The following ERBB2 variants were observed in gnomAD, a reference collection of about 807,000 sequenced individuals.
The protein encoded by ERBB2 is receptor tyrosine-protein kinase erbB-2.
Under a neutral mutation model 149.0 loss-of-function variants are expected in ERBB2, and 61 were observed. That is an observed-to-expected ratio of 0.41 (90% CI 0.33 to 0.51). The LOEUF (loss-of-function observed/expected upper bound fraction) is 0.51. ERBB2 is among the 20% of genes least tolerant of loss of function. ERBB2 has a pLI of 0.25. For synonymous variants in ERBB2, 633 were observed against 678.8 expected, an observed-to-expected ratio of 0.93 and a Z score of 1.05; for missense variants, 1,205 against 1,655.1, an observed-to-expected ratio of 0.73 and a Z score of 4.72.
chr17:39,708,596 A>G, intron 3 of ERBB2, 62 bp downstream of exon 3: 1 of 1,331,064 alleles, frequency 7.5e-7, no homozygotes, highest in South Asian at 1.2e-5. Flanking sequence ...GGCCACTGCT[A>G]ACCAGGGGGA....
chr17:39,720,580 G>A lies in ERBB2; in HGVS notation c.1946+746G>A, dbSNP rs972218725. 4.6e-5 allele frequency among the ~76,000 whole-genome samples: 7 copies of A among 152,306 alleles called. No individual in the cohort carries two copies. In the East Asian group the frequency reaches 1.3e-3, roughly 29 times the overall value. On this transcript the variant is annotated intron_variant, in intron 16 of 26. Transcript: ENST00000269571. The stretch of plus-strand genomic sequence containing the variant: ...ACCAGACCCTGTGCTAAGCAAGGGG[G>A]TATGGAGAGGAGAGGGTGACAAGAA...
intron 16 of ERBB2, among the ~76,000 whole-genome samples, chr17:39,722,988 G>A (rs1166621155): frequency 6.6e-6 from 1 of 152,144 alleles, no homozygotes; most frequent in African/African-American, 2.4e-5. Flanking sequence ...CTCTCAAAGT[G>A]CTAGGATTCC....
At chr17:39,717,507 AAGG>A (rs2059203501) in intron 15 of ERBB2, 27 bp downstream of exon 15, 1 of 1,573,556 alleles carries the variant, frequency 6.4e-7, no homozygotes, top group Non-Finnish European at 8.7e-7. Context: ...TTTCTGCAGA[AAGG>A]AGGACTTTCC....
chr17:39,717,309 GCC>G lies in ERBB2; in HGVS notation c.1738-4_1738-3del. ...TGCCAGCCCCCCACAAATCTTTTCT[GCC>G]CCCCCCAGGAGGCTGACCAGTGTGT... On this transcript the variant is annotated splice_polypyrimidine_tract_variant and intron_variant, in intron 14 of 26. Coordinates refer to ENST00000269571, the MANE Select transcript of ERBB2 (RefSeq NM_004448.4). 1 of 1,582,726 alleles carries G rather than the reference GCC, an allele frequency of 6.3e-7. No individual in the cohort carries two copies.
At position 39,719,479 on chromosome 17, in the gene ERBB2, G is replaced by T. The variant is rs547104924; in HGVS notation, c.1899-308G>T. On this transcript the variant is annotated intron_variant, in intron 15 of 26. Transcript: ENST00000269571. Reference sequence around the variant, plus strand: ...ACCGTTCTCTGGAGAAGTGGTATGGGTTTACCCTGGGATTCTTCTATGGAG... The same window carrying T: ...ACCGTTCTCTGGAGAAGTGGTATGGTTTTACCCTGGGATTCTTCTATGGAG... 2.0e-5 allele frequency among the ~76,000 whole-genome samples: 3 copies of T among 152,222 alleles called. No homozygotes were observed. In the South Asian group the frequency reaches 6.2e-4, roughly 31 times the overall value.
chr17:39,722,748 G>C (rs1444033644), intron 16 of ERBB2, among the ~76,000 whole-genome samples: 1 of 151,750 alleles, frequency 6.6e-6, no homozygotes. Flanking sequence ...TTTTGAGATG[G>C]AGTCTTGCAC....
Position 39,718,691 on chromosome 17 carries a change from C to A in ERBB2, c.1899-1096C>A, listed in dbSNP as rs532094251. On this transcript the variant is annotated intron_variant, in intron 15 of 26. Transcript: ENST00000269571. ...TGCTGTTCTGCACTTTGCTTTCCCC[C>A]CGACTTGAGGTATCCTTTCTTGTGA... Among the ~76,000 whole-genome samples, 7 of 152,020 alleles carry A rather than the reference C, an allele frequency of 4.6e-5. No individual in the cohort carries two copies. In the South Asian group the frequency reaches 6.2e-4, roughly 14 times the overall value.
At position 39,710,094 on chromosome 17, in the gene ERBB2, ACTGT is replaced by A; in HGVS notation, c.657_660del (p.Cys220ProfsTer76). The stretch of plus-strand genomic sequence containing the variant: ...TGCCCTTTGCCCAACAGTGACGCGC[ACTGT>A]CTGTGCCGGTGGCTGTGCCCGCTGC... On this transcript the variant is annotated frameshift_variant, in exon 6 of 27. Transcript: ENST00000269571. LOFTEE classifies it high-confidence loss of function. 1 of 1,607,512 alleles carries A rather than the reference ACTGT, an allele frequency of 6.2e-7. No homozygotes were observed. Among genetic ancestry groups the A allele is most frequent in the Non-Finnish European group, 8.5e-7 (1 of 1,178,424 alleles).
chr17:39,694,834 A>T (rs1327287936), upstream of ERBB2: 8 of 152,380 alleles, frequency 5.3e-5, no homozygotes, highest in Non-Finnish European at 1.5e-5. Flanking sequence ...AGGAAGACTT[A>T]GTGCTCCTGA....
At chr17:39,724,114 C>A in intron 19 of ERBB2, 104 bp downstream of exon 19, 2 of 758,570 alleles carry the variant, frequency 2.6e-6, no homozygotes, top group South Asian at 1.8e-5. Flanking sequence ...ATATGACTCC[C>A]GCAAACCTAG....
rs140793049 is a variant in ERBB2, at chr17:39,720,726, T to G, written c.1946+892T>G. On this transcript the variant is annotated intron_variant, in intron 16 of 26. Coordinates refer to ENST00000269571, the MANE Select transcript of ERBB2 (RefSeq NM_004448.4). Reference sequence around the variant, plus strand: ...GTGCAGTGGCTCCATCTCGGTTCACTGCAACCTCTGCCTCCTGGGTTCAAG... The same window carrying G: ...GTGCAGTGGCTCCATCTCGGTTCACGGCAACCTCTGCCTCCTGGGTTCAAG... Among the ~76,000 whole-genome samples, 1,148 of 152,310 alleles carry G rather than the reference T, an allele frequency of 7.5e-3. 9 individuals are homozygous for G. Among genetic ancestry groups the G allele is most frequent in the African/African-American group, 0.026 (1,079 of 41,558 alleles).
intron 9 of ERBB2, 57 bp from the exon 10 acceptor site, chr17:39,715,229 T>A: frequency 1.4e-6 from 2 of 1,460,154 alleles, no homozygotes; most frequent in Non-Finnish European, 1.9e-6. Context: ...TGGCCAGTGC[T>A]GGGAGTGATG....
chr17:39,690,894 C>G (rs1567885305), upstream of ERBB2, among the ~76,000 whole-genome samples: 1 of 152,158 alleles, frequency 6.6e-6, no homozygotes, highest in African/African-American at 2.4e-5. Flanking sequence ...TGGCTCATGC[C>G]TGTAATCCCA....
Position 39,726,570 on chromosome 17 carries a change from A to C in ERBB2, c.2881A>C (p.Ile961Leu). Reference sequence around the variant, plus strand: ...CCTCCCTCCTGCCCCAGGTTGGATGATTGACTCTGAATGTCGGCCAAGATT... The same window carrying C: ...CCTCCCTCCTGCCCCAGGTTGGATGCTTGACTCTGAATGTCGGCCAAGATT... The part of the protein sequence containing the change: ...VYMIMVKCWM[I>L]DSECRPRFRE... The change falls in exon 24 of 27, where the codon ATT becomes CTT. Residue 961 changes from isoleucine (I) to leucine (L), a missense_variant. Transcript: ENST00000269571. This position sits in a 1 kb window ranked among gnomAD's most constrained non-coding sequence, Gnocchi z 5.1. The C allele has an allele frequency of 6.2e-7, 1 of 1,614,034 alleles. No individual in the cohort carries two copies. The highest frequency in any genetic ancestry group is 8.5e-7 in the Non-Finnish European group (1 of 1,179,938).
At position 39,707,144 on chromosome 17, in the gene ERBB2, G is replaced by A. The variant is rs1181476242; in HGVS notation, c.225+3G>A. ...ATGCCAGCCTGTCCTTCCTGCAGGT[G>A]AGGCCCGTGGGCAACCCAGCCAGGC... On this transcript the variant is annotated splice_donor_region_variant and intron_variant, in intron 2 of 26. Coordinates refer to ENST00000269571, the MANE Select transcript of ERBB2 (RefSeq NM_004448.4). 29 of 1,561,586 alleles carry A rather than the reference G, an allele frequency of 1.9e-5. No individual in the cohort carries two copies. The highest frequency in any genetic ancestry group is 2.4e-5 in the Non-Finnish European group (28 of 1,150,818).
Position 39,715,294 on chromosome 17 carries a change from C to T in ERBB2, c.1157C>T (p.Ala386Val), listed in dbSNP as rs141116145. The change falls in exon 10 of 27, where the codon GCC becomes GTC. Residue 386 changes from alanine (A) to valine (V), a missense_variant. Transcript: ENST00000269571. Reference protein sequence around the residue: ...FLPESFDGDPASNTAPLQPEQ... With the variant: ...FLPESFDGDPVSNTAPLQPEQ... ...TCTCCTGACCCCTCCAGGGACCCAG[C>T]CTCCAACACTGCCCCGCTCCAGCCA... is the stretch of plus-strand genomic sequence containing the variant. 1 of 1,613,992 alleles carries T rather than the reference C, an allele frequency of 6.2e-7. No homozygotes were observed. Among genetic ancestry groups the T allele is most frequent in the Non-Finnish European group, 8.5e-7 (1 of 1,179,920 alleles).
upstream of ERBB2, among the ~76,000 whole-genome samples, chr17:39,694,262 T>TATGTGTATATATATATATACACAC (rs2057798954): frequency 6.9e-5 from 2 of 28,906 alleles, 1 homozygote; most frequent in African/African-American, 2.1e-4. Context: ...TATATATATA[T>TATGTGTATATATATATATACACAC]ATATATGTGT....
At position 39,717,461 on chromosome 17, in the gene ERBB2, C is replaced by G; in HGVS notation, c.1879C>G (p.Pro627Ala). The change falls in exon 15 of 27, where the codon CCC (proline) becomes GCC (alanine). Residue 627 changes from proline to alanine, a missense_variant. This residue lies in a region of ERBB2 where 569 missense variants were observed against 803.5 expected (regional missense o/e 0.71). Transcript: ENST00000269571. ...TGAGGAGGGCGCATGCCAGCCTTGC[C>G]CCATCAACTGCACCCACTCGTGAGT... ...PDEEGACQPC[P>A]INCTHSCVDL... 4 of 1,613,102 alleles carry G rather than the reference C, an allele frequency of 2.5e-6. No individual in the cohort carries two copies. Among genetic ancestry groups the G allele is most frequent in the Non-Finnish European group, 3.4e-6 (4 of 1,179,750 alleles).
At chr17:39,707,329 T>C in intron 2 of ERBB2, 188 bp downstream of exon 2, 1 of 509,452 alleles carries the variant, frequency 2.0e-6, no homozygotes, top group Non-Finnish European at 3.4e-6. Context: ...ACTCTCTCTA[T>C]AACGTGGCTG....
Sources: gnomAD v4.1 joint callset for allele counts (sites outside exome capture counted in the v4.1 genomes callset) on GRCh38, gnomAD v4.1.1 for gene constraint, gnomAD v4.1.1 regional missense constraint, Gnocchi (gnomAD v3.1) non-coding constraint, MANE v1.5 for transcripts, NCBI Gene and HGNC (gene_info 2026-07-23, HGNC 2026-07-21) for gene names.